The following NAV2 variants were observed in gnomAD, a reference collection of about 807,000 sequenced individuals.
NAV2 encodes the protein helicase, APC down-regulated 1.
A neutral mutation model predicts 223.2 loss-of-function variants in NAV2; 54 were observed. The ratio of observed to expected loss-of-function variants is 0.24; its 90% CI spans 0.19 to 0.30. The LOEUF (loss-of-function observed/expected upper bound fraction) is 0.30. Among genes scored for constraint, NAV2 ranks in the 10% least tolerant of loss-of-function variants. NAV2 has a pLI of 1.00. For synonymous variants in NAV2, 1,279 were observed against 1,239.3 expected, an observed-to-expected ratio of 1.03 and a Z score of -0.67; for missense variants, 2,806 against 3,147.5, an observed-to-expected ratio of 0.89 and a Z score of 2.60.
At chr11:19,818,196 T>TG (rs200210253) in intron 1 of NAV2, among the ~76,000 whole-genome samples, 3 of 150,544 alleles carry the variant, frequency 2.0e-5, no homozygotes, top group African/African-American at 4.9e-5. Flanking sequence ...TAATAACTCA[T>TG]GTTTTTTTCC....
At chr11:19,796,908 C>A (rs922307493) in intron 1 of NAV2, among the ~76,000 whole-genome samples, 5 of 152,190 alleles carry the variant, frequency 3.3e-5, no homozygotes, top group Non-Finnish European at 5.9e-5. Context: ...TCTCTTGGCA[C>A]TTGGCATGCA....
chr11:19,778,825 G>A (rs911904496), intron 1 of NAV2, among the ~76,000 whole-genome samples: 7 of 152,170 alleles, frequency 4.6e-5, no homozygotes, highest in Non-Finnish European at 7.3e-5. Context: ...TGTGGAAGAG[G>A]CCAGAGTTTC....
chr11:20,000,763 G>C (rs1270439655), intron 11 of NAV2, among the ~76,000 whole-genome samples: 1 of 152,178 alleles, frequency 6.6e-6, no homozygotes, highest in Non-Finnish European at 1.5e-5. Flanking sequence ...GGTCAGCTCT[G>C]AGACTTCAGG....
At chr11:19,716,044 AG>A (rs1395426092) in intron 1 of NAV2, among the ~76,000 whole-genome samples, 2 of 148,908 alleles carry the variant, frequency 1.3e-5, no homozygotes, top group Non-Finnish European at 3.0e-5. Context: ...TCTGCCTGAT[AG>A]GGTACCCATT....
intron 3 of NAV2, 137 bp downstream of exon 3, chr11:19,843,060 A>C (rs1012590261): frequency 4.3e-6 from 3 of 699,288 alleles, no homozygotes; most frequent in Non-Finnish European, 7.2e-6. Context: ...AGCTATTTCC[A>C]AGTAGCTGTG....
intron 10 of NAV2, among the ~76,000 whole-genome samples, chr11:19,978,171 G>T (rs529743104): frequency 6.6e-6 from 1 of 151,798 alleles, no homozygotes; most frequent in African/African-American, 2.4e-5. Context: ...TGTTAGACTC[G>T]CTGGCCGGTG....
chr11:20,073,507 A>G (rs931171080), intron 22 of NAV2, among the ~76,000 whole-genome samples: 3 of 152,220 alleles, frequency 2.0e-5, no homozygotes, highest in Admixed American at 6.5e-5. Context: ...TTCACAAGGA[A>G]TGGTACTAGA....
intron 1 of NAV2, among the ~76,000 whole-genome samples, chr11:19,402,633 C>T (rs1395715121): frequency 6.6e-6 from 1 of 152,168 alleles, no homozygotes; most frequent in Non-Finnish European, 1.5e-5. Context: ...CCTGGAACAA[C>T]CCCTCGCACA....
chr11:19,879,398 A>C (rs2063055954), intron 4 of NAV2, among the ~76,000 whole-genome samples: 1 of 152,152 alleles, frequency 6.6e-6, no homozygotes, highest in African/African-American at 2.4e-5. Flanking sequence ...CACGTATTTG[A>C]GAGTAGGACG....
chr11:19,622,132 A>C (rs1471507603), intron 1 of NAV2, among the ~76,000 whole-genome samples: 2 of 152,084 alleles, frequency 1.3e-5, no homozygotes, highest in Non-Finnish European at 2.9e-5. Context: ...AGTTTGTTAT[A>C]ATTTCTGTTC....
At chr11:20,022,883 G>C (rs1302349387) in intron 11 of NAV2, 9 of 1,368,126 alleles carry the variant, frequency 6.6e-6, no homozygotes, top group Admixed American at 3.1e-5. Context: ...CTGACCTCTC[G>C]ATCCTTCAGC....
At chr11:19,986,963 C>T (rs1482572049) in intron 11 of NAV2, among the ~76,000 whole-genome samples, 1 of 152,112 alleles carries the variant, frequency 6.6e-6, no homozygotes, top group Non-Finnish European at 1.5e-5. Flanking sequence ...AAGTGGGAGG[C>T]TATCATGGTG....
intron 1 of NAV2, among the ~76,000 whole-genome samples, chr11:19,747,556 C>T (rs1054276487): frequency 1.1e-4 from 16 of 152,148 alleles, no homozygotes; most frequent in African/African-American, 2.9e-4. Flanking sequence ...TGAAGCATAT[C>T]GCCAAGCAAC....
intron 10 of NAV2, among the ~76,000 whole-genome samples, chr11:19,974,132 G>A (rs921489761): frequency 8.5e-5 from 13 of 152,226 alleles, no homozygotes; most frequent in Non-Finnish European, 1.9e-4. Context: ...TTACAGTGTA[G>A]CCACATTATA....
At chr11:19,707,046 A>G (rs953220125) in intron 1 of NAV2, among the ~76,000 whole-genome samples, 2 of 152,202 alleles carry the variant, frequency 1.3e-5, no homozygotes, top group African/African-American at 4.8e-5. Context: ...ATTTTTTTAA[A>G]TGGTATACTT....
intron 11 of NAV2, among the ~76,000 whole-genome samples, chr11:19,986,620 C>T (rs754835679): frequency 1.3e-5 from 2 of 152,164 alleles, no homozygotes; most frequent in Admixed American, 1.3e-4. Flanking sequence ...CAGAGTGAGA[C>T]TCAGTCTCAA....
intron 11 of NAV2, among the ~76,000 whole-genome samples, chr11:19,992,403 A>G (rs1480230542): frequency 6.6e-6 from 1 of 152,180 alleles, no homozygotes; most frequent in South Asian, 2.1e-4. Flanking sequence ...TAGTCTGCAG[A>G]GTATCATTCT....
intron 17 of NAV2, among the ~76,000 whole-genome samples, chr11:20,052,885 A>T (rs1032794199): frequency 1.3e-5 from 2 of 152,248 alleles, no homozygotes; most frequent in Middle Eastern, 3.4e-3. Context: ...TCCATAATAT[A>T]TAAGTCCGAG....
chr11:20,003,291 A>G (rs1288372196), intron 11 of NAV2, among the ~76,000 whole-genome samples: 1 of 152,198 alleles, frequency 6.6e-6, no homozygotes, highest in African/African-American at 2.4e-5. Context: ...GATTCGGATG[A>G]CATCTGTATT....
Sources: gnomAD v4.1 joint callset for allele counts (sites outside exome capture counted in the v4.1 genomes callset) on GRCh38, gnomAD v4.1.1 for gene constraint, MANE v1.5 for transcripts, NCBI Gene and HGNC (gene_info 2026-07-23, HGNC 2026-07-21) for gene names.